Variants in GAB2 observed in about 807,000 individuals in gnomAD.
The protein encoded by GAB2 is GRB2 associated binding protein 2.
In GAB2, 26 loss-of-function variants were observed where a neutral mutation model predicts 65.5. The ratio of observed to expected loss-of-function variants is 0.40; its 90% confidence interval spans 0.29 to 0.55. The LOEUF is 0.55. GAB2 is among the 20% of genes least tolerant of loss of function. GAB2 has a pLI of 0.53. For missense variants in GAB2, 884 were observed against 875.8 expected (o/e 1.01, Z -0.12); for synonymous variants, 321 against 329.6 (o/e 0.97, Z 0.28).
chr11:78,353,876 C>T (rs1314754600), intron 1 of GAB2, among the ~76,000 whole-genome samples: 2 of 152,140 alleles, frequency 1.3e-5, no homozygotes, highest in African/African-American at 4.8e-5. Context: ...TGGTACTGAA[C>T]TACAAAATAA....
intron 3 of GAB2, among the ~76,000 whole-genome samples, chr11:78,232,902 G>A (rs1864883915): frequency 1.3e-5 from 2 of 152,070 alleles, no homozygotes; most frequent in Admixed American, 1.3e-4. Context: ...GATCATATGA[G>A]GTACCTAATG....
At position 78,405,105 on chromosome 11, in the gene GAB2, T is replaced by G. The variant is rs527612915; in HGVS notation, c.75+12541A>C. 4.6e-3 allele frequency among the ~76,000 whole-genome samples: 669 copies of G among 145,388 alleles called. 6 individuals carry two copies. Among genetic ancestry groups the G allele is most frequent in the African/African-American group, 0.016 (650 of 39,656 alleles). ...AAAAAACATGGATTTTTTTTTTTTT[T>G]TTTTTTTTTTTGAGATGGAGTCTAG... On this transcript the variant is annotated intron_variant, in intron 1 of 9. Transcript: ENST00000361507.
At chr11:78,321,469 T>C (rs1407863058) in intron 1 of GAB2, among the ~76,000 whole-genome samples, 1 of 152,218 alleles carries the variant, frequency 6.6e-6, no homozygotes, top group African/African-American at 2.4e-5. Context: ...ATTGCTCATG[T>C]CTTTTTACTC....
At chr11:78,323,325 C>T (rs1014460519) in intron 1 of GAB2, among the ~76,000 whole-genome samples, 3 of 152,072 alleles carry the variant, frequency 2.0e-5, no homozygotes, top group South Asian at 2.1e-4. Flanking sequence ...GCCTGGCCAA[C>T]ATGGTGAAAT....
At chr11:78,414,690 C>T (rs1167505103) in intron 1 of GAB2, among the ~76,000 whole-genome samples, 1 of 152,156 alleles carries the variant, frequency 6.6e-6, no homozygotes, top group Non-Finnish European at 1.5e-5. Context: ...TTTCCAGAGA[C>T]ACTTTTTGCA....
chr11:78,360,229 T>C (rs562296961), intron 1 of GAB2, among the ~76,000 whole-genome samples: 28 of 152,116 alleles, frequency 1.8e-4, no homozygotes, highest in Non-Finnish European at 3.8e-4. Flanking sequence ...AAATCTCTAT[T>C]GTCTTAAGCC....
At chr11:78,348,646 A>G (rs867032018) in intron 1 of GAB2, among the ~76,000 whole-genome samples, 1 of 152,232 alleles carries the variant, frequency 6.6e-6, no homozygotes, top group South Asian at 2.1e-4. Context: ...ATAGGAAAGT[A>G]AAACAATACA....
At chr11:78,360,889 A>C (rs990920472) in intron 1 of GAB2, among the ~76,000 whole-genome samples, 7 of 152,106 alleles carry the variant, frequency 4.6e-5, no homozygotes, top group South Asian at 2.1e-4. Flanking sequence ...ACAACAACAA[A>C]AAACCCACCA....
intron 1 of GAB2, among the ~76,000 whole-genome samples, chr11:78,289,812 A>AC (rs1460040791): frequency 1.8e-5 from 2 of 109,328 alleles, no homozygotes; most frequent in Non-Finnish European, 3.7e-5. Flanking sequence ...GAAGAACAGG[A>AC]CCTTTTTTTT....
intron 1 of GAB2, among the ~76,000 whole-genome samples, chr11:78,373,531 C>A (rs960082885): frequency 1.3e-5 from 2 of 152,052 alleles, no homozygotes; most frequent in Non-Finnish European, 1.5e-5. Context: ...AGCCACCACG[C>A]CTGGCCATAT....
intron 8 of GAB2, 41 bp downstream of exon 8, chr11:78,221,636 G>C (rs757545082): frequency 7.1e-6 from 9 of 1,270,508 alleles, no homozygotes; most frequent in Admixed American, 1.8e-5. Context: ...GGTCCCAGGG[G>C]ACTTGAAAGG....
intron 3 of GAB2, among the ~76,000 whole-genome samples, chr11:78,242,296 A>G (rs1199242841): frequency 6.6e-6 from 1 of 152,120 alleles, no homozygotes; most frequent in Non-Finnish European, 1.5e-5. Flanking sequence ...AGGTCAGGAG[A>G]TCGAGACCAA....
At chr11:78,315,381 G>C (rs1371282558) in intron 1 of GAB2, among the ~76,000 whole-genome samples, 1 of 152,036 alleles carries the variant, frequency 6.6e-6, no homozygotes, top group Admixed American at 6.6e-5. Context: ...CATCTATAAG[G>C]TAATTATAAC....
chr11:78,361,106 T>C (rs1306496330), intron 1 of GAB2, among the ~76,000 whole-genome samples: 3 of 152,212 alleles, frequency 2.0e-5, no homozygotes, highest in East Asian at 3.8e-4. Context: ...ATGCTTAGAT[T>C]ATGATAGAAG....
chr11:78,220,330 G>T lies in GAB2; in HGVS notation c.1876C>A (p.Pro626Thr), dbSNP rs763886116. 1 of 1,612,538 alleles carries T rather than the reference G, an allele frequency of 6.2e-7. No homozygotes were observed. The highest frequency in any genetic ancestry group is 1.1e-5 in the South Asian group (1 of 90,984). ...TCTACTCCAGGCACCTTGCGGTGGG[G>T]GCTTGGGGAGCTCGGCTGGAAGTCC... is the stretch of plus-strand genomic sequence containing the variant. ...ALDFQPSSPS[P>T]HRKPSTSSVT... The change falls in exon 9 of 10, where the codon CCC becomes ACC. Residue 626 changes from proline (P) to threonine (T), a missense_variant. Pro to Thr is a conservative substitution (Grantham distance 38, BLOSUM62 -1). Coordinates refer to ENST00000361507, the MANE Select transcript of GAB2 (RefSeq NM_080491.3).
intron 3 of GAB2, among the ~76,000 whole-genome samples, chr11:78,242,118 G>A (rs1309022878): frequency 1.1e-5 from 1 of 91,468 alleles, no homozygotes; most frequent in African/African-American, 2.6e-5. Context: ...CTAGAAATCA[G>A]TAACAAGAGG....
intron 5 of GAB2, among the ~76,000 whole-genome samples, chr11:78,224,073 C>T (rs1864549193): frequency 6.6e-6 from 1 of 151,974 alleles, no homozygotes; most frequent in Non-Finnish European, 1.5e-5. Context: ...CAGAGTGAGA[C>T]TCTGTTTCAA....
intron 1 of GAB2, among the ~76,000 whole-genome samples, chr11:78,327,769 G>A (rs867946744): frequency 6.6e-6 from 1 of 152,230 alleles, no homozygotes; most frequent in Middle Eastern, 3.4e-3. Flanking sequence ...AGACAGCTGG[G>A]TTTATATCCT....
chr11:78,282,267 A>G (rs894705210), intron 1 of GAB2, among the ~76,000 whole-genome samples: 1 of 152,014 alleles, frequency 6.6e-6, no homozygotes, highest in African/African-American at 2.4e-5. Flanking sequence ...TATAACAGAA[A>G]TCTGCGTTCA....
Sources: gnomAD v4.1 joint callset for allele counts (sites outside exome capture counted in the v4.1 genomes callset) on GRCh38, gnomAD v4.1.1 for gene constraint, MANE v1.5 for transcripts, NCBI Gene and HGNC (gene_info 2026-07-23, HGNC 2026-07-21) for gene names.